Variants in NRXN1 observed in about 807,000 individuals in gnomAD.
NRXN1 encodes the protein neurexin 1.
In NRXN1, 39 loss-of-function variants were observed where a neutral mutation model predicts 150.9. The ratio of observed to expected loss-of-function variants is 0.26; its 90% CI spans 0.20 to 0.34. The LOEUF (loss-of-function observed/expected upper bound fraction) is 0.34, where lower values mean the gene tolerates loss of function less well. NRXN1 is among the 10% of genes least tolerant of loss of function. NRXN1 has a pLI of 1.00. For missense variants in NRXN1, 1,815 were observed against 1,949.9 expected, an observed-to-expected ratio of 0.93 and a Z score of 1.30; for synonymous variants, 924 against 757.0, an observed-to-expected ratio of 1.22 and a Z score of -3.62.
intron 5 of NRXN1, among the ~76,000 whole-genome samples, chr2:50,693,298 T>C (rs1692330616): frequency 6.6e-6 from 1 of 152,178 alleles, no homozygotes; most frequent in East Asian, 1.9e-4. Context: ...GCTAACCGAA[T>C]AACTATAGGA....
At chr2:50,352,470 A>G (rs2078480691) in intron 17 of NRXN1, among the ~76,000 whole-genome samples, 1 of 152,132 alleles carries the variant, frequency 6.6e-6, no homozygotes, top group South Asian at 2.1e-4. Flanking sequence ...GGGGAAATAT[A>G]TTAAAACCCA....
At chr2:50,229,530 A>G (rs1339534491) in intron 18 of NRXN1, among the ~76,000 whole-genome samples, 2 of 151,920 alleles carry the variant, frequency 1.3e-5, no homozygotes, top group Non-Finnish European at 1.5e-5. Context: ...ATTGCTCATC[A>G]TTTCTTCCCG....
intron 5 of NRXN1, among the ~76,000 whole-genome samples, chr2:50,767,359 G>T (rs1247647754): frequency 1.3e-5 from 2 of 151,838 alleles, no homozygotes; most frequent in Non-Finnish European, 2.9e-5. Context: ...TGTCTATAAG[G>T]TATAAATTTG....
intron 18 of NRXN1, among the ~76,000 whole-genome samples, chr2:50,111,420 T>C (rs1702361401): frequency 6.6e-6 from 1 of 152,080 alleles, no homozygotes; most frequent in Admixed American, 6.6e-5. Flanking sequence ...GGCGGGCAGA[T>C]CACTTGAGGT....
chr2:50,515,483 C>T (rs1032909714), intron 12 of NRXN1, among the ~76,000 whole-genome samples: 1 of 151,976 alleles, frequency 6.6e-6, no homozygotes, highest in Non-Finnish European at 1.5e-5. Context: ...GTTTGGAGAC[C>T]ACTGCTTTAA....
At chr2:50,036,283 C>G (rs1690023381) in intron 21 of NRXN1, among the ~76,000 whole-genome samples, 1 of 152,102 alleles carries the variant, frequency 6.6e-6, no homozygotes, top group African/African-American at 2.4e-5. Context: ...ATTCATTCTC[C>G]TTCCTGCTGC....
chr2:50,414,511 TG>T (rs529808559), intron 17 of NRXN1, among the ~76,000 whole-genome samples: 46 of 152,204 alleles, frequency 3.0e-4, no homozygotes, highest in South Asian at 1.9e-3. Context: ...TTTTGAAAGA[TG>T]TTTTTTTAAT....
chr2:50,188,073 T>C (rs1462490233), intron 18 of NRXN1, among the ~76,000 whole-genome samples: 1 of 152,114 alleles, frequency 6.6e-6, no homozygotes, highest in East Asian at 1.9e-4. Flanking sequence ...CTATGTTTCT[T>C]TCTCTTGCCT....
At chr2:50,197,717 T>C (rs2061868285) in intron 18 of NRXN1, among the ~76,000 whole-genome samples, 1 of 152,156 alleles carries the variant, frequency 6.6e-6, no homozygotes, top group Non-Finnish European at 1.5e-5. Flanking sequence ...AGTACAGATA[T>C]CAATTTAGCT....
chr2:50,185,463 A>G (rs1173261809), intron 18 of NRXN1: 1 of 152,060 alleles, frequency 6.6e-6, no homozygotes, highest in Non-Finnish European at 1.5e-5. Flanking sequence ...GTCAGATTAC[A>G]CTTCCCCACT....
chr2:50,205,692 G>T (rs542035945), intron 18 of NRXN1, among the ~76,000 whole-genome samples: 29 of 151,964 alleles, frequency 1.9e-4, no homozygotes, highest in Admixed American at 1.9e-3. Context: ...ACCAAAAGGT[G>T]GAAATAACCC....
At chr2:50,352,060 G>T (rs967348508) in intron 17 of NRXN1, among the ~76,000 whole-genome samples, 1 of 152,128 alleles carries the variant, frequency 6.6e-6, no homozygotes, top group African/African-American at 2.4e-5. Flanking sequence ...CATGGCTACT[G>T]AGATCTACCT....
intron 18 of NRXN1, among the ~76,000 whole-genome samples, chr2:50,212,239 A>C (rs17040229): frequency 0.02 from 2,986 of 151,406 alleles, 94 homozygotes; most frequent in African/African-American, 0.069. Flanking sequence ...AACTCTCAGA[A>C]GTAGAAAATC....
chr2:50,581,064 T>G (rs1396495183), intron 8 of NRXN1, among the ~76,000 whole-genome samples: 1 of 152,072 alleles, frequency 6.6e-6, no homozygotes, highest in Non-Finnish European at 1.5e-5. Flanking sequence ...AATTATGAGT[T>G]TTGGATTTGA....
intron 5 of NRXN1, among the ~76,000 whole-genome samples, chr2:50,831,988 T>C (rs1384501496): frequency 3.9e-5 from 6 of 152,144 alleles, no homozygotes; most frequent in Non-Finnish European, 8.8e-5. Context: ...AGGCTTTAAA[T>C]AATAACTGGT....
rs143416225 is a variant in NRXN1, at chr2:50,035,952, T to A, written c.4128+17319A>T. On this transcript the variant is annotated intron_variant, in intron 21 of 22. Coordinates refer to ENST00000401669, the MANE Select transcript of NRXN1 (RefSeq NM_001330078.2). ...CTAACTATAAGACTTAAACAGCACCTGCTGTCAGCTAAACAAATTAGCTGC... is the reference window on the plus strand; with the variant it reads ...CTAACTATAAGACTTAAACAGCACCAGCTGTCAGCTAAACAAATTAGCTGC... Among the ~76,000 whole-genome samples the A allele has an allele frequency of 1.4e-3, 218 of 152,120 alleles. 1 individual carries two copies. The highest frequency in any genetic ancestry group is 2.8e-3 in the Non-Finnish European group (190 of 67,998).
intron 18 of NRXN1, among the ~76,000 whole-genome samples, chr2:50,101,807 C>G (rs1431454403): frequency 6.6e-6 from 1 of 151,868 alleles, no homozygotes; most frequent in Non-Finnish European, 1.5e-5. Context: ...AACCTAAAAA[C>G]AAGAGTGAGG....
At chr2:50,976,125 T>C (rs1695787280) in intron 2 of NRXN1, among the ~76,000 whole-genome samples, 2 of 152,008 alleles carry the variant, frequency 1.3e-5, no homozygotes, top group Admixed American at 6.6e-5. Context: ...TGTACTGTTT[T>C]CAAATGCCTC....
chr2:50,852,698 A>T (rs182912063), intron 5 of NRXN1, among the ~76,000 whole-genome samples: 2 of 152,252 alleles, frequency 1.3e-5, no homozygotes, highest in East Asian at 3.9e-4. Flanking sequence ...TACTTTCTTG[A>T]TATTTTTCCT....
Sources: gnomAD v4.1 joint callset for allele counts (sites outside exome capture counted in the v4.1 genomes callset) on GRCh38, gnomAD v4.1.1 for gene constraint, MANE v1.5 for transcripts, NCBI Gene and HGNC (gene_info 2026-07-23, HGNC 2026-07-21) for gene names.